The following COL24A1 variants were observed in gnomAD, a reference collection of about 807,000 sequenced individuals.
COL24A1 encodes collagen type XXIV alpha 1 chain, also known as collagen alpha-1(XXIV) chain.
COL24A1 carries 224 observed loss-of-function variants against 253.9 expected under a neutral mutation model. The observed-to-expected ratio is 0.88, with a 90% CI of 0.79 to 0.99. The LOEUF is 0.99. Ranked by LOEUF, COL24A1 falls within the 50% of genes least tolerant of loss-of-function variation. The probability of loss-of-function intolerance (pLI) is 0.00; values close to 1 mark genes in which losing one functional copy is unlikely to be tolerated. For synonymous variants in COL24A1, 685 were observed against 673.7 expected (o/e 1.02, Z -0.26); for missense variants, 2,131 against 2,068.5 (o/e 1.03, Z -0.59).
Position 86,150,919 on chromosome 1 carries a change from A to G in COL24A1, c.57-4736T>C, listed in dbSNP as rs563757908. 5.3e-5 allele frequency among the ~76,000 whole-genome samples: 8 copies of G among 152,204 alleles called. No homozygotes were observed. In the South Asian group the frequency reaches 1.5e-3, roughly 28 times the overall value. ...CATGTGATGACATAATACAAATTTT[A>G]TGTTTTTGTGTTTTACATTCCAAAT... On this transcript the variant is annotated intron_variant, in intron 1 of 59. Transcript: ENST00000370571.
chr1:86,148,503 C>G (rs1434356808), intron 1 of COL24A1, among the ~76,000 whole-genome samples: 1 of 151,990 alleles, frequency 6.6e-6, no homozygotes, highest in African/African-American at 2.4e-5. Context: ...TCCCCCTTCC[C>G]CCCACCCCAC....
intron 58 of COL24A1, chr1:85,736,445 G>C (rs1308118401): frequency 2.2e-6 from 1 of 456,268 alleles, no homozygotes; most frequent in South Asian, 1.5e-5. Flanking sequence ...TGAGGATGAT[G>C]ATGTGGATAT....
rs529617209 is a variant in COL24A1, at chr1:86,119,473, G to A, written c.1492-4095C>T. 3.3e-5 allele frequency among the ~76,000 whole-genome samples: 5 copies of A among 152,250 alleles called. No homozygotes were observed. The South Asian group carries it at 1.0e-3, about 32-fold the overall frequency. On this transcript the variant is annotated intron_variant, in intron 3 of 59. Transcript: ENST00000370571. ...CTGAAGAAGAACATACCTTTTTTAT[G>A]TTCTACAACCAGAATCCTCTCTGGT... is the stretch of plus-strand genomic sequence containing the variant.
At chr1:85,933,785 A>G (rs988513952) in intron 24 of COL24A1, among the ~76,000 whole-genome samples, 1 of 152,220 alleles carries the variant, frequency 6.6e-6, no homozygotes, top group Non-Finnish European at 1.5e-5. Context: ...ATTTACTACT[A>G]TAGCTCTTTA....
At chr1:86,045,698 T>C (rs928408018) in intron 12 of COL24A1, 2 of 289,740 alleles carry the variant, frequency 6.9e-6, no homozygotes, top group Non-Finnish European at 1.4e-5. Context: ...TCTACTGTTA[T>C]AACCATTATA....
chr1:85,841,290 T>C lies in COL24A1; in HGVS notation c.3571-12A>G. On this transcript the variant is annotated splice_polypyrimidine_tract_variant and intron_variant, in intron 41 of 59. Transcript: ENST00000370571. ...TCTCCTGGGTAGCCCTAAAATGAAA[T>C]AATGATTTATAAACAAAACTCAATA... The C allele has an allele frequency of 6.3e-7, 1 of 1,575,828 alleles. No homozygotes were observed. The highest frequency in any genetic ancestry group is 8.6e-7 in the Non-Finnish European group (1 of 1,156,992).
At position 85,937,044 on chromosome 1, in the gene COL24A1, G is replaced by A. The variant is rs867366982; in HGVS notation, c.2562+24205C>T. 2.8e-4 allele frequency among the ~76,000 whole-genome samples: 41 copies of A among 147,670 alleles called. 4 individuals are homozygous for A. In the Middle Eastern group the frequency reaches 0.011, roughly 38 times the overall value. On this transcript the variant is annotated intron_variant, in intron 24 of 59. Transcript: ENST00000370571. ...AGGCACAAGCAGACTGCATAAGCAA[G>A]TTGTCCATATTCCCAGCCAGTACCT...
chr1:85,730,662 A>T lies in COL24A1; in HGVS notation c.5029T>A (p.Phe1677Ile), dbSNP rs1405356393. 2 of 1,613,996 alleles carry T rather than the reference A, an allele frequency of 1.2e-6. No individual in the cohort carries two copies. The highest frequency in any genetic ancestry group is 1.7e-6 in the Non-Finnish European group (2 of 1,179,904). ...TTAGGTTCCTGGGTGTGAAAAAGAA[A>T]TGTTGCCTTATGCCAGCTGCCATCT... ...IQDGSWHKAT[F>I]LFHTQEPNQL... Residue 1677 changes from phenylalanine to isoleucine, a missense_variant, in exon 60 of 60, where the codon TTT becomes ATT. Transcript: ENST00000370571.
intron 35 of COL24A1, among the ~76,000 whole-genome samples, chr1:85,869,730 C>A (rs1680213595): frequency 4.6e-5 from 7 of 152,150 alleles, no homozygotes; most frequent in Admixed American, 2.6e-4. Flanking sequence ...CCAGGACCAG[C>A]CACTGCAAAA....
chr1:85,982,063 C>T (rs768614336), intron 20 of COL24A1, among the ~76,000 whole-genome samples: 3 of 152,002 alleles, frequency 2.0e-5, no homozygotes, highest in Non-Finnish European at 4.4e-5. Context: ...GTGGTATATA[C>T]AAACAATGGA....
rs1432153154 is a variant in COL24A1 at position 85,729,433 on chromosome 1, T to C, written c.*1113A>G. ...TTAAATGGGAAAAGACTTTTTTTTT[T>C]CTGGATGTTGCTTTAAAGACTGGTA... is the stretch of plus-strand genomic sequence containing the variant. On this transcript the variant is annotated 3_prime_UTR_variant, in exon 60 of 60. Transcript: ENST00000370571. The C allele has an allele frequency of 6.6e-6, 1 of 150,464 alleles. No individual in the cohort carries two copies. Among genetic ancestry groups the C allele is most frequent in the African/African-American group, 2.4e-5 (1 of 41,104 alleles). The allele number at this position is 150,464 out of a possible 1,614,324, so 9.3% of individuals were successfully genotyped here.
chr1:86,119,955 T>C (rs1205129181), intron 3 of COL24A1, among the ~76,000 whole-genome samples: 2 of 152,062 alleles, frequency 1.3e-5, no homozygotes, highest in African/African-American at 4.8e-5. Flanking sequence ...TATAGACCAA[T>C]GGAACAGAAC....
chr1:86,057,218 C>A (rs989631427), intron 10 of COL24A1, among the ~76,000 whole-genome samples: 1 of 152,024 alleles, frequency 6.6e-6, no homozygotes, highest in African/African-American at 2.4e-5. Flanking sequence ...TCTCTTACTC[C>A]CACTCTCGCC....
At chr1:85,912,613 T>C (rs74775551) in intron 24 of COL24A1, among the ~76,000 whole-genome samples, 8,295 of 152,264 alleles carry the variant, frequency 0.054, 537 homozygotes, top group Admixed American at 0.19. Flanking sequence ...ATCCCATATA[T>C]ATAACATATA....
At chr1:85,942,793 TACAGTGGA>T (rs1688871676) in intron 24 of COL24A1, among the ~76,000 whole-genome samples, 1 of 152,200 alleles carries the variant, frequency 6.6e-6, no homozygotes. Flanking sequence ...TACATCACAT[TACAGTGGA>T]ACTACTGCTT....
At chr1:85,874,792 C>A (rs146564059) in intron 34 of COL24A1, 90 bp from the exon 35 acceptor site, 3 of 1,405,328 alleles carry the variant, frequency 2.1e-6, no homozygotes, top group East Asian at 2.3e-5. Flanking sequence ...AGTTCCCCAA[C>A]GCCTGGGCCG....
At chr1:86,145,428 C>T (rs1002148648) in intron 2 of COL24A1, among the ~76,000 whole-genome samples, 1 of 152,138 alleles carries the variant, frequency 6.6e-6, no homozygotes, top group South Asian at 2.1e-4. Flanking sequence ...GTCTCTTTGA[C>T]TTTGGTATGT....
In COL24A1 at chr1:85,796,932, G is replaced by A. The variant is rs191199838; in HGVS notation, c.3952-10471C>T. On this transcript the variant is annotated intron_variant, in intron 47 of 59. Transcript: ENST00000370571. ...CATTCAATTCCTGGCCGGGCACGGT[G>A]GCTCACGCCTGTAATCCCAGCACTT... 3.4e-3 allele frequency among the ~76,000 whole-genome samples: 519 copies of A among 152,108 alleles called. 4 individuals carry two copies. Among genetic ancestry groups the A allele is most frequent in the African/African-American group, 0.012 (499 of 41,476 alleles).
rs2102490845 is a variant in COL24A1 at position 86,156,378 on chromosome 1, T to C, written c.19A>G (p.Arg7Gly). The stretch of plus-strand genomic sequence containing the variant: ...GGGGAGACTTTTCCACGCCTTGTTC[T>C]GTGGGCTCTTAAATGCATTTGTATG... MHLRAH[R>G]TRRGKVSPTA... is the part of the protein sequence containing the mutation. Residue 7 changes from arginine (R) to glycine (G), a missense_variant, in exon 1 of 60, where the codon AGA becomes GGA. Physicochemically the swap from Arg to Gly is moderately radical, Grantham distance 125. Coordinates refer to ENST00000370571, the MANE Select transcript of COL24A1 (RefSeq NM_152890.7). The C allele has an allele frequency of 6.2e-7, 1 of 1,612,712 alleles. No homozygotes were observed. Among genetic ancestry groups the C allele is most frequent in the East Asian group, 2.2e-5 (1 of 44,798 alleles).
Sources: gnomAD v4.1 joint callset for allele counts (sites outside exome capture counted in the v4.1 genomes callset) on GRCh38, gnomAD v4.1.1 for gene constraint, MANE v1.5 for transcripts, NCBI Gene and HGNC (gene_info 2026-07-23, HGNC 2026-07-21) for gene names.